The following TENM3 variants were observed in gnomAD, a reference collection of about 807,000 sequenced individuals.
TENM3 encodes teneurin-3.
A neutral mutation model predicts 255.1 loss-of-function variants in TENM3; 63 were observed. The observed-to-expected ratio is 0.25, with a 90% CI of 0.20 to 0.30. The LOEUF is 0.30. Among genes scored for constraint, TENM3 ranks in the 10% least tolerant of loss-of-function variants. TENM3 has a pLI of 1.00. For synonymous variants in TENM3, 1,306 were observed against 1,322.3 expected (o/e 0.99, Z 0.27); for missense variants, 2,929 against 3,461.1 (o/e 0.85, Z 3.86).
chr4:181,753,122 C>T, the TENM3 span, among the ~76,000 whole-genome samples: 1 of 152,118 alleles, frequency 6.6e-6, no homozygotes, highest in African/African-American at 2.4e-5. Flanking sequence ...AAAATCGACT[C>T]AAAGGATGAG....
At chr4:182,625,012 T>C (rs372248851) in intron 4 of TENM3, among the ~76,000 whole-genome samples, 28 of 152,336 alleles carry the variant, frequency 1.8e-4, no homozygotes, top group African/African-American at 6.7e-4. Context: ...GGATGAAGGC[T>C]GAAAATACAA....
the TENM3 span, among the ~76,000 whole-genome samples, chr4:181,613,124 C>T: frequency 6.6e-6 from 1 of 152,202 alleles, no homozygotes; most frequent in African/African-American, 2.4e-5. Context: ...TGCTGTTCTA[C>T]TGAGGACCTT....
the TENM3 span, among the ~76,000 whole-genome samples, chr4:181,897,427 A>G: frequency 1.3e-5 from 2 of 152,206 alleles, no homozygotes; most frequent in South Asian, 2.1e-4. Flanking sequence ...CCAGGAATAC[A>G]TTTACAAGTG....
At chr4:182,045,808 G>A in the TENM3 span, among the ~76,000 whole-genome samples, 37 of 152,278 alleles carry the variant, frequency 2.4e-4, no homozygotes, top group African/African-American at 8.9e-4. Context: ...CAGCACTTTG[G>A]GAAGCATAGG....
intron 19 of TENM3, among the ~76,000 whole-genome samples, chr4:182,747,674 A>C (rs1012125641): frequency 2.0e-5 from 3 of 152,228 alleles, no homozygotes; most frequent in African/African-American, 7.2e-5. Context: ...ACTAAAAATC[A>C]ACTTTGTGAA....
At chr4:181,671,325 T>C in the TENM3 span, among the ~76,000 whole-genome samples, 1 of 152,180 alleles carries the variant, frequency 6.6e-6, no homozygotes, top group Non-Finnish European at 1.5e-5. Context: ...TATTTACTCC[T>C]ACAGGAGTAA....
At chr4:181,533,369 A>G in the TENM3 span, among the ~76,000 whole-genome samples, 2 of 152,120 alleles carry the variant, frequency 1.3e-5, no homozygotes, top group South Asian at 2.1e-4. Flanking sequence ...TCATGCACAA[A>G]TGCTTCTCCT....
At chr4:181,725,854 G>A in the TENM3 span, among the ~76,000 whole-genome samples, 2 of 151,988 alleles carry the variant, frequency 1.3e-5, no homozygotes. Context: ...TCATCAAATC[G>A]TTCAATCCTA....
chr4:182,435,506 G>A (rs1771977699), intron 3 of TENM3, among the ~76,000 whole-genome samples: 1 of 152,202 alleles, frequency 6.6e-6, no homozygotes, highest in Non-Finnish European at 1.5e-5. Flanking sequence ...CTTTTTAAGA[G>A]AGGGGCAATT....
At chr4:182,329,846 G>T (rs1763639151) in intron 2 of TENM3, among the ~76,000 whole-genome samples, 1 of 152,050 alleles carries the variant, frequency 6.6e-6, no homozygotes, top group South Asian at 2.1e-4. Context: ...ACAGAAAAGA[G>T]AATTTCAGAT....
At chr4:181,543,858 C>A in the TENM3 span, among the ~76,000 whole-genome samples, 1 of 152,092 alleles carries the variant, frequency 6.6e-6, no homozygotes, top group Admixed American at 6.6e-5. Flanking sequence ...AATAAATGAG[C>A]AACATGGTAC....
chr4:181,775,171 C>T, the TENM3 span, among the ~76,000 whole-genome samples: 2 of 152,152 alleles, frequency 1.3e-5, no homozygotes, highest in African/African-American at 2.4e-5. Flanking sequence ...CCGTGACTCT[C>T]CTTTCTCTTG....
the TENM3 span, among the ~76,000 whole-genome samples, chr4:182,054,192 C>A: frequency 6.6e-6 from 1 of 152,170 alleles, no homozygotes; most frequent in Non-Finnish European, 1.5e-5. Flanking sequence ...CACACATTTC[C>A]TCTGCCAAGA....
chr4:181,490,009 A>AT, the TENM3 span, among the ~76,000 whole-genome samples: 4 of 152,152 alleles, frequency 2.6e-5, no homozygotes, highest in Non-Finnish European at 5.9e-5. Context: ...AATATGACCT[A>AT]TTTTAGTTAA....
chr4:181,533,085 T>C, the TENM3 span, among the ~76,000 whole-genome samples: 1 of 152,138 alleles, frequency 6.6e-6, no homozygotes, highest in African/African-American at 2.4e-5. Flanking sequence ...GCGGTAATCT[T>C]TCCTAATAAA....
chr4:182,525,151 C>T lies in TENM3; in HGVS notation c.512-75773C>T, dbSNP rs1031680976. Among the ~76,000 whole-genome samples, 4 of 152,208 alleles carry T rather than the reference C, an allele frequency of 2.6e-5. No homozygotes were observed. The East Asian group carries it at 7.7e-4, about 29-fold the overall frequency. The stretch of plus-strand genomic sequence containing the variant: ...GCCCTAGTGTCCTTGAGTTTAGCAT[C>T]TGTACCTGCCGATTCCCTGCCTCTG... On this transcript the variant is annotated intron_variant, in intron 3 of 27. Transcript: ENST00000511685.
chr4:182,063,132 A>T, the TENM3 span, among the ~76,000 whole-genome samples: 1 of 152,240 alleles, frequency 6.6e-6, no homozygotes, highest in Non-Finnish European at 1.5e-5. Context: ...ATTCATTTTC[A>T]ATAACATCAG....
At chr4:181,646,648 T>C in the TENM3 span, among the ~76,000 whole-genome samples, 3 of 152,198 alleles carry the variant, frequency 2.0e-5, no homozygotes, top group African/African-American at 7.2e-5. Context: ...GCTATTTAAA[T>C]TGAGGCTCCC....
chr4:181,618,623 C>T, the TENM3 span, among the ~76,000 whole-genome samples: 3 of 152,188 alleles, frequency 2.0e-5, no homozygotes, highest in Non-Finnish European at 4.4e-5. Flanking sequence ...TAGAACTCAT[C>T]CTACGAATAT....
Sources: gnomAD v4.1 joint callset for allele counts (sites outside exome capture counted in the v4.1 genomes callset) on GRCh38, gnomAD v4.1.1 for gene constraint, MANE v1.5 for transcripts, NCBI Gene and HGNC (gene_info 2026-07-23, HGNC 2026-07-21) for gene names.